The following CUL2 variants were observed in gnomAD, a reference collection of about 807,000 sequenced individuals.
CUL2 encodes cullin-2.
In CUL2, 22 loss-of-function variants were observed where a neutral mutation model predicts 110.2. That is an observed-to-expected ratio of 0.20 (90% CI 0.14 to 0.28). The LOEUF is 0.28. CUL2 is among the 10% of genes least tolerant of loss of function. CUL2 has a pLI of 1.00. For synonymous variants in CUL2, 279 were observed against 293.2 expected (o/e 0.95, Z 0.49); for missense variants, 631 against 905.5 (o/e 0.70, Z 3.89).
At chr10:35,103,927 A>T (rs1051610258) in intron 1 of CUL2, among the ~76,000 whole-genome samples, 4 of 141,518 alleles carry the variant, frequency 2.8e-5, no homozygotes, top group African/African-American at 1.1e-4. Context: ...GGATCCACTT[A>T]AAAAAAAAAA....
At chr10:35,074,099 A>C (rs2086754564) in intron 1 of CUL2, 2 of 1,215,456 alleles carry the variant, frequency 1.6e-6, no homozygotes, top group Non-Finnish European at 2.3e-6. Flanking sequence ...GCACCATTCC[A>C]AGCTCTGAGG....
Position 35,049,719 on chromosome 10 carries a change from G to A in CUL2, c.470C>T (p.Ala157Val). ...WRKLMVEPLQ[A>V]ILIRMLLREI... ...TCGGAGCAGCATTCGGATAAGGATG[G>A]CCTGAAGTGGTTCAACCATCAATTT... Residue 157 changes from alanine to valine, a missense_variant, in exon 6 of 21, where the codon GCC becomes GTC. By Grantham distance (64) the Ala-to-Val change is moderately conservative. Transcript: ENST00000374749. The A allele has an allele frequency of 1.9e-6, 3 of 1,613,524 alleles. No homozygotes were observed. Among genetic ancestry groups the A allele is most frequent in the Non-Finnish European group, 2.5e-6 (3 of 1,179,736 alleles).
chr10:35,018,027 A>G (rs560665955), intron 17 of CUL2, among the ~76,000 whole-genome samples: 1 of 151,530 alleles, frequency 6.6e-6, no homozygotes, highest in Non-Finnish European at 1.5e-5. Flanking sequence ...GTGGTGGCTC[A>G]CGCCTGTAAT....
chr10:35,107,052 G>A (rs1015710963), intron 1 of CUL2, among the ~76,000 whole-genome samples: 1 of 151,986 alleles, frequency 6.6e-6, no homozygotes, highest in African/African-American at 2.4e-5. Flanking sequence ...TCAGCTCACT[G>A]CAAGCTCCAC....
In CUL2 at chr10:35,033,219, G is replaced by A. The variant is rs1270977173; in HGVS notation, c.1057C>T (p.Leu353Phe). 3.1e-6 allele frequency: 5 copies of A among 1,613,574 alleles called. No homozygotes were observed. In the African/African-American group the frequency reaches 5.3e-5, roughly 17 times the overall value. ...TCACCATTCAAAACAGTGTTGATAAGCTGAACAAATTTACCATGCACTTCC... is the reference window on the plus strand; with the variant it reads ...TCACCATTCAAAACAGTGTTGATAAACTGAACAAATTTACCATGCACTTCC... Reference protein sequence around the residue: ...VLEVHGKFVQLINTVLNGDQH... With the variant: ...VLEVHGKFVQFINTVLNGDQH... The change falls in exon 11 of 21, where the codon CTT becomes TTT. Residue 353 changes from leucine (L) to phenylalanine (F), a missense_variant. By Grantham distance (22) the Leu-to-Phe change is conservative (BLOSUM62 0). Coordinates refer to ENST00000374749, the MANE Select transcript of CUL2 (RefSeq NM_003591.4).
intron 17 of CUL2, among the ~76,000 whole-genome samples, chr10:35,019,957 A>G (rs1375361245): frequency 6.6e-6 from 1 of 151,152 alleles, no homozygotes; most frequent in East Asian, 2.0e-4. Context: ...TACAATGGAG[A>G]TATCTGGTGG....
chr10:35,040,398 G>T (rs1481123267), intron 8 of CUL2, among the ~76,000 whole-genome samples: 2 of 152,160 alleles, frequency 1.3e-5, no homozygotes, highest in Non-Finnish European at 2.9e-5. Context: ...GAAACACTCT[G>T]GAACATAAAG....
At chr10:35,102,994 T>C (rs1275720496) in intron 1 of CUL2, among the ~76,000 whole-genome samples, 2 of 152,204 alleles carry the variant, frequency 1.3e-5, no homozygotes, top group African/African-American at 4.8e-5. Context: ...CTGTCTATTA[T>C]GGGGAAGGGC....
At chr10:35,012,040 G>T in intron 19 of CUL2, 76 bp from the exon 20 acceptor site, 2 of 799,682 alleles carry the variant, frequency 2.5e-6, no homozygotes, top group Non-Finnish European at 4.0e-6. Context: ...CATTTTATCA[G>T]TGAGTGCAAA....
chr10:35,081,537 G>A (rs13377158), intron 1 of CUL2, among the ~76,000 whole-genome samples: 8 of 152,094 alleles, frequency 5.3e-5, no homozygotes, highest in African/African-American at 1.7e-4. Context: ...CAAGCCCATC[G>A]TGTATGAATA....
rs2084839772 is a variant in CUL2, at chr10:35,009,243, TTA to T, written c.*1066_*1067del. 6.8e-6 allele frequency: 1 copy of T among 147,336 alleles called. No homozygotes were observed. Among genetic ancestry groups the T allele is most frequent in the East Asian group, 2.0e-4 (1 of 5,056 alleles). 9.1% of individuals were successfully genotyped at this position (147,336 alleles called of 1,614,324 possible). A position where few individuals can be genotyped will look rare whatever the true frequency, so the allele number is the denominator to read the frequency against. On this transcript the variant is annotated 3_prime_UTR_variant, in exon 21 of 21. Transcript: ENST00000374749. ...TATAAAATAAACAAAATAATGGGAT[TTA>T]TATATGTGGCACCCAGTACAATGTA... is the stretch of plus-strand genomic sequence containing the variant.
intron 16 of CUL2, among the ~76,000 whole-genome samples, chr10:35,026,005 T>G (rs1206280979): frequency 6.6e-6 from 1 of 152,212 alleles, no homozygotes; most frequent in Non-Finnish European, 1.5e-5. Flanking sequence ...GAAGTTCACA[T>G]AAAGCAGTCA....
chr10:35,046,765 G>C (rs1430540311), intron 6 of CUL2, among the ~76,000 whole-genome samples: 2 of 152,082 alleles, frequency 1.3e-5, no homozygotes, highest in African/African-American at 4.8e-5. Context: ...GGTGGCGCAT[G>C]TCTATAATCC....
rs1260723981 is a variant in CUL2, at chr10:35,039,307, A to C, written c.715-225T>G. Among the ~76,000 whole-genome samples the C allele has an allele frequency of 2.0e-5, 3 of 152,232 alleles. No homozygotes were observed. In the East Asian group the frequency reaches 5.8e-4, roughly 29 times the overall value. Reference sequence around the variant, plus strand: ...CCACCAGTCTTATAAGCAAGAACTAAAGTTAAATAGTCTGCATTTTGTCTT... The same window carrying C: ...CCACCAGTCTTATAAGCAAGAACTACAGTTAAATAGTCTGCATTTTGTCTT... On this transcript the variant is annotated intron_variant, in intron 8 of 20. Transcript: ENST00000374749.
rs902887968 is a variant in CUL2 at position 35,009,674 on chromosome 10, C to T, written c.*637G>A. Reference sequence around the variant, plus strand: ...ATCTAATCCATAAAAATAAAGCATTCTTTATGCTGAATGCAGTCCTATGCA... The same window carrying T: ...ATCTAATCCATAAAAATAAAGCATTTTTTATGCTGAATGCAGTCCTATGCA... On this transcript the variant is annotated 3_prime_UTR_variant, in exon 21 of 21. Transcript: ENST00000374749. 1 of 152,418 alleles carries T rather than the reference C, an allele frequency of 6.6e-6. No homozygotes were observed. The highest frequency in any genetic ancestry group is 1.5e-5 in the Non-Finnish European group (1 of 68,042). 9.4% of individuals were successfully genotyped at this position (152,418 alleles called of 1,614,324 possible). A position where few individuals can be genotyped will look rare whatever the true frequency, so the allele number is the denominator to read the frequency against.
intron 5 of CUL2, among the ~76,000 whole-genome samples, chr10:35,052,587 T>C (rs1396334332): frequency 2.0e-5 from 3 of 152,176 alleles, no homozygotes; most frequent in Admixed American, 1.3e-4. Flanking sequence ...ACTGCAGTGT[T>C]GTTTGTAATA....
At chr10:35,065,035 A>C (rs898765484) in intron 2 of CUL2, among the ~76,000 whole-genome samples, 1 of 152,200 alleles carries the variant, frequency 6.6e-6, no homozygotes, top group Non-Finnish European at 1.5e-5. Context: ...CACCTTAATA[A>C]AATTTTAAAG....
chr10:35,054,656 A>G, intron 4 of CUL2, 117 bp from the exon 5 acceptor site: 2 of 524,972 alleles, frequency 3.8e-6, no homozygotes, highest in South Asian at 6.5e-5. Flanking sequence ...ATAGCCTACT[A>G]ACAAATCCAA....
At chr10:35,063,320 A>G (rs1419277366) in intron 2 of CUL2, among the ~76,000 whole-genome samples, 2 of 152,196 alleles carry the variant, frequency 1.3e-5, no homozygotes, top group Non-Finnish European at 2.9e-5. Flanking sequence ...TTCTTATCAG[A>G]GAGGTTAAAA....
Sources: allele counts gnomAD v4.1 joint callset (sites outside exome capture counted in the v4.1 genomes callset), GRCh38; gene constraint gnomAD v4.1.1; transcripts MANE v1.5; gene names NCBI Gene and HGNC (gene_info 2026-07-23, HGNC 2026-07-21).